The following RC3H2 variants were observed in gnomAD, a reference collection of about 807,000 sequenced individuals.
RC3H2 encodes ring finger and CCCH-type domains 2.
RC3H2 carries 31 observed loss-of-function variants against 133.3 expected under a neutral mutation model. That is an observed-to-expected ratio of 0.23 (90% CI 0.17 to 0.31). RC3H2 has a LOEUF of 0.31. RC3H2 is among the 10% of genes least tolerant of loss of function. RC3H2 has a pLI of 1.00. For synonymous variants in RC3H2, 517 were observed against 502.2 expected, an observed-to-expected ratio of 1.03 and a Z score of -0.40; for missense variants, 1,175 against 1,437.2, an observed-to-expected ratio of 0.82 and a Z score of 2.95.
At chr9:122,887,694 T>G (rs1164350733) in intron 4 of RC3H2, among the ~76,000 whole-genome samples, 3 of 152,138 alleles carry the variant, frequency 2.0e-5, no homozygotes. Flanking sequence ...CAATTCAAAT[T>G]TAAGACTGCA....
rs552358341 is a variant in RC3H2, at chr9:122,851,732, C to T, written c.3118-296G>A. Reference sequence around the variant, plus strand: ...CGGGCTGGTCTCCAGCTCCTAACCACGAGTGATCTGCCAGCCTCGGCCTCC... The same window carrying T: ...CGGGCTGGTCTCCAGCTCCTAACCATGAGTGATCTGCCAGCCTCGGCCTCC... On this transcript the variant is annotated intron_variant, in intron 18 of 20. Transcript: ENST00000357244. Among the ~76,000 whole-genome samples, 7 of 152,374 alleles carry T rather than the reference C, an allele frequency of 4.6e-5. No homozygotes were observed. In the East Asian group the frequency reaches 9.7e-4, roughly 21 times the overall value.
intron 2 of RC3H2, among the ~76,000 whole-genome samples, chr9:122,893,743 GT>G (rs1554774517): frequency 3.3e-5 from 5 of 151,352 alleles, no homozygotes; most frequent in Admixed American, 2.6e-4. Flanking sequence ...AGACACAGTT[GT>G]TTTTTTTTCC....
intron 20 of RC3H2, 58 bp from the exon 21 acceptor site, chr9:122,849,880 G>A (rs977560636): frequency 3.3e-6 from 4 of 1,213,754 alleles, no homozygotes; most frequent in Non-Finnish European, 1.1e-6. Flanking sequence ...ACTGTTAAGG[G>A]TGACTATACA....
At chr9:122,874,668 C>G (rs1468747361) in intron 9 of RC3H2, 1 of 153,568 alleles carries the variant, frequency 6.5e-6, no homozygotes, top group Non-Finnish European at 1.4e-5. Flanking sequence ...CAGGCGTATG[C>G]CACTATGCTC....
intron 1 of RC3H2, 115 bp from the exon 2 acceptor site, chr9:122,897,691 T>A (rs1315219115): frequency 2.8e-6 from 2 of 713,310 alleles, no homozygotes; most frequent in African/African-American, 3.6e-5. Flanking sequence ...AATAATTTTA[T>A]AACCTTTGGA....
At chr9:122,896,218 C>T (rs1832414025) in intron 2 of RC3H2, among the ~76,000 whole-genome samples, 1 of 151,728 alleles carries the variant, frequency 6.6e-6, no homozygotes, top group African/African-American at 2.4e-5. Context: ...CTTGATACAA[C>T]ACATGTTCAG....
Position 122,888,032 on chromosome 9 carries a change from A to G in RC3H2, c.583+2280T>C, listed in dbSNP as rs141751838. Among the ~76,000 whole-genome samples the G allele has an allele frequency of 1.9e-4, 29 of 152,174 alleles. No homozygotes were observed. In the East Asian group the frequency reaches 5.6e-3, roughly 29 times the overall value. ...AGTGCTGGGATTACAGGCGTGAGCC[A>G]CTGCGCCTGGCCTTGTATCTTTTTT... On this transcript the variant is annotated intron_variant, in intron 4 of 20. Transcript: ENST00000357244.
At position 122,897,097 on chromosome 9, in the gene RC3H2, A is replaced by G. The variant is rs72753244; in HGVS notation, c.231+182T>C. On this transcript the variant is annotated intron_variant, in intron 2 of 20. Transcript: ENST00000357244. The stretch of plus-strand genomic sequence containing the variant: ...ACTAACGATAGCTGATGAGCTAAAA[A>G]CATAAACATAAATCACAAAAAAAAT... Among the ~76,000 whole-genome samples the G allele has an allele frequency of 5.1e-3, 770 of 152,076 alleles. 5 individuals are homozygous for G. The highest frequency in any genetic ancestry group is 8.5e-3 in the Non-Finnish European group (579 of 67,962).
At chr9:122,883,476 C>A in intron 4 of RC3H2, 97 bp from the exon 5 acceptor site, 1 of 791,524 alleles carries the variant, frequency 1.3e-6, no homozygotes, top group South Asian at 2.4e-5. Flanking sequence ...TTATAGTGGC[C>A]CATTACCCAT....
At chr9:122,867,464 T>C (rs1830756687) in intron 9 of RC3H2, among the ~76,000 whole-genome samples, 1 of 144,784 alleles carries the variant, frequency 6.9e-6, no homozygotes, top group Non-Finnish European at 1.5e-5. Context: ...GGTGGGGGGG[T>C]CAGCCCCCCG....
intron 9 of RC3H2, among the ~76,000 whole-genome samples, chr9:122,876,193 T>C (rs893832611): frequency 4.6e-5 from 7 of 152,204 alleles, no homozygotes; most frequent in African/African-American, 1.7e-4. Flanking sequence ...ATGATTATTA[T>C]AACACAGCAT....
chr9:122,868,418 G>T (rs1001412327), intron 9 of RC3H2, among the ~76,000 whole-genome samples: 43 of 152,062 alleles, frequency 2.8e-4, no homozygotes, highest in African/African-American at 7.7e-4. Context: ...TCTGCCTTGG[G>T]ATCCTGTTGA....
At position 122,845,377 on chromosome 9, in the gene RC3H2, T is replaced by C. The variant is rs1275305745; in HGVS notation, c.*4250A>G. ...GTATCACAACTACAGTATAATTGTT[T>C]GCCCAGCTAAGAGAATGCATGCACT... is the stretch of plus-strand genomic sequence containing the variant. On this transcript the variant is annotated 3_prime_UTR_variant, in exon 21 of 21. Coordinates refer to ENST00000357244, the MANE Select transcript of RC3H2 (RefSeq NM_001100588.3). The C allele has an allele frequency of 1.3e-5, 2 of 152,208 alleles. No homozygotes were observed. The highest frequency in any genetic ancestry group is 2.9e-5 in the Non-Finnish European group (2 of 68,036). 9.4% of individuals were successfully genotyped at this position (152,208 alleles called of 1,614,324 possible).
intron 9 of RC3H2, chr9:122,875,255 C>T: frequency 6.4e-7 from 1 of 1,551,130 alleles, no homozygotes; most frequent in East Asian, 2.4e-5. Context: ...TGCACACACA[C>T]TTATCTTCTC....
chr9:122,848,766 T>C lies in RC3H2; in HGVS notation c.*861A>G, dbSNP rs1829920108. ...TTTGCCAAGTCATCAGATTCAATAA[T>C]GTACAGGCTTAAATCTGCATTTTAA... On this transcript the variant is annotated 3_prime_UTR_variant, in exon 21 of 21. Coordinates refer to ENST00000357244, the MANE Select transcript of RC3H2 (RefSeq NM_001100588.3). 2 of 152,194 alleles carry C rather than the reference T, an allele frequency of 1.3e-5. No individual in the cohort carries two copies. The highest frequency in any genetic ancestry group is 2.1e-4 in the South Asian group (1 of 4,838). 9.4% of individuals were successfully genotyped at this position (152,194 alleles called of 1,614,324 possible).
chr9:122,880,146 T>C (rs1323747011), intron 6 of RC3H2, 21 bp from the exon 7 acceptor site: 5 of 1,613,226 alleles, frequency 3.1e-6, no homozygotes, highest in African/African-American at 1.3e-5. Flanking sequence ...GAAATGAGAA[T>C]GCTTTTTACT....
At position 122,880,732 on chromosome 9, in the gene RC3H2, T is replaced by G; in HGVS notation, c.822A>C (p.Glu274Asp). The G allele has an allele frequency of 1.2e-6, 2 of 1,614,076 alleles. No homozygotes were observed. The highest frequency in any genetic ancestry group is 1.7e-6 in the Non-Finnish European group (2 of 1,179,934). The change falls in exon 6 of 21, where the codon GAA becomes GAC. Residue 274 changes from glutamate to aspartate, a missense_variant. Glu to Asp is a conservative substitution (Grantham distance 45, BLOSUM62 2). Transcript: ENST00000357244. Reference protein sequence around the residue: ...MQLKEEFRSYEALRREHDAQI... With the variant: ...MQLKEEFRSYDALRREHDAQI... ...GGGCATCATGTTCTCTGCGTAATGC[T>G]TCATAACTCCGAAATTCCTCCTTCA... is the stretch of plus-strand genomic sequence containing the variant.
Position 122,867,486 on chromosome 9 carries a change from G to T in RC3H2, c.1326-1829C>A, listed in dbSNP as rs1324584289. On this transcript the variant is annotated intron_variant, in intron 9 of 20. Transcript: ENST00000357244. Reference sequence around the variant, plus strand: ...GGGTCAGCCCCCCGCCCGGCCAGCCGCCCTGTCGGGGATGTGAGGGGCGCC... The same window carrying T: ...GGGTCAGCCCCCCGCCCGGCCAGCCTCCCTGTCGGGGATGTGAGGGGCGCC... Among the ~76,000 whole-genome samples the T allele has an allele frequency of 2.0e-5, 3 of 147,036 alleles. No homozygotes were observed. The East Asian group carries it at 6.1e-4, about 30-fold the overall frequency.
intron 8 of RC3H2, 29 bp downstream of exon 8, chr9:122,879,726 G>A (rs766167479): frequency 2.8e-6 from 4 of 1,408,350 alleles, no homozygotes; most frequent in Admixed American, 3.8e-5. Flanking sequence ...AGAGACAACA[G>A]CAGTCAGAAA....
Sources: allele counts gnomAD v4.1 joint callset (sites outside exome capture counted in the v4.1 genomes callset), GRCh38; gene constraint gnomAD v4.1.1; transcripts MANE v1.5; gene names NCBI Gene and HGNC (gene_info 2026-07-23, HGNC 2026-07-21).